KCNQ4: variants seen among roughly 807,000 people sequenced by gnomAD.
The protein encoded by KCNQ4 is potassium voltage-gated channel subfamily Q member 4.
A neutral mutation model predicts 72.6 loss-of-function variants in KCNQ4; 31 were observed. The ratio of observed to expected loss-of-function variants is 0.43; its 90% CI spans 0.32 to 0.58. The LOEUF is 0.58. KCNQ4 is among the 20% of genes least tolerant of loss of function. The pLI is 0.08. For synonymous variants in KCNQ4, 405 were observed against 403.7 expected, an observed-to-expected ratio of 1.00 and a Z score of -0.04; for missense variants, 869 against 962.6, an observed-to-expected ratio of 0.90 and a Z score of 1.29.
intron 1 of KCNQ4, among the ~76,000 whole-genome samples, chr1:40,816,664 A>G (rs1648094623): frequency 6.6e-6 from 1 of 151,972 alleles, no homozygotes; most frequent in Non-Finnish European, 1.5e-5. Context: ...ACACTGCCCA[A>G]TTCCCCTCCC....
intron 1 of KCNQ4, among the ~76,000 whole-genome samples, chr1:40,798,950 G>T (rs1647493841): frequency 6.6e-6 from 1 of 152,272 alleles, no homozygotes; most frequent in South Asian, 2.1e-4. Flanking sequence ...CCCCTCCCTT[G>T]TTGGGGTCTG....
chr1:40,829,833 C>T (rs1172750205), intron 9 of KCNQ4, among the ~76,000 whole-genome samples: 2 of 152,258 alleles, frequency 1.3e-5, no homozygotes, highest in East Asian at 1.9e-4. Context: ...GGGGAGGCAG[C>T]GATGACGTCA....
At chr1:40,799,731 C>T (rs373401500) in intron 1 of KCNQ4, among the ~76,000 whole-genome samples, 9 of 152,318 alleles carry the variant, frequency 5.9e-5, no homozygotes, top group African/African-American at 1.7e-4. Flanking sequence ...TTGGCCTCCA[C>T]GAGGGAGGCC....
intron 1 of KCNQ4, among the ~76,000 whole-genome samples, chr1:40,808,921 A>G (rs2148310250): frequency 6.6e-6 from 1 of 152,236 alleles, no homozygotes; most frequent in African/African-American, 2.4e-5. Context: ...AAATTGTTAA[A>G]CCTACACTTA....
At chr1:40,800,115 C>T (rs982020433) in intron 1 of KCNQ4, among the ~76,000 whole-genome samples, 4 of 152,180 alleles carry the variant, frequency 2.6e-5, no homozygotes, top group Admixed American at 6.5e-5. Flanking sequence ...TCTGCACAGG[C>T]CCTTCTCCCA....
At chr1:40,787,993 G>C (rs1333819403) in intron 1 of KCNQ4, among the ~76,000 whole-genome samples, 1 of 152,128 alleles carries the variant, frequency 6.6e-6, no homozygotes, top group Non-Finnish European at 1.5e-5. Flanking sequence ...GAAGGTTTGC[G>C]GCTCTGTAAA....
chr1:40,803,770 GC>G lies in KCNQ4; in HGVS notation c.315-13491del, dbSNP rs1165891496. On this transcript the variant is annotated intron_variant, in intron 1 of 13. Transcript: ENST00000347132. ...GCTCTCAGGGCAGCTGTAACCAGAT[GC>G]CCCAGGTGTGGCCTGTGAGTTTGCA... Among the ~76,000 whole-genome samples, 7 of 152,310 alleles carry G rather than the reference GC, an allele frequency of 4.6e-5. No individual in the cohort carries two copies. In the East Asian group the frequency reaches 1.4e-3, roughly 29 times the overall value.
In KCNQ4 at chr1:40,824,160, G is replaced by C; in HGVS notation, c.1194G>C (p.Glu398Asp). The change falls in exon 9 of 14, where the codon GAG (glutamate) becomes GAC (aspartate). Residue 398 changes from glutamate to aspartate, a missense_variant. Coordinates refer to ENST00000347132, the MANE Select transcript of KCNQ4 (RefSeq NM_004700.4). ...GCAATGGGGGCCTACGGCCCCTGGA[G>C]GTGCGGCGGGCGCCGGTACCCGACG... ...RARNGGLRPLEVRRAPVPDGA... is the reference protein window; with the variant it reads ...RARNGGLRPLDVRRAPVPDGA... The C allele has an allele frequency of 6.4e-7, 1 of 1,551,650 alleles. No homozygotes were observed. The highest frequency in any genetic ancestry group is 1.2e-5 in the South Asian group (1 of 84,342).
chr1:40,795,921 A>G (rs1240208606), intron 1 of KCNQ4, among the ~76,000 whole-genome samples: 1 of 152,104 alleles, frequency 6.6e-6, no homozygotes, highest in African/African-American at 2.4e-5. Flanking sequence ...TATTTTTCAC[A>G]CTGCTTCATT....
In KCNQ4 at chr1:40,834,805, T is replaced by C. The variant is rs374995880; in HGVS notation, c.1614-162T>C. 3.8e-4 allele frequency among the ~76,000 whole-genome samples: 58 copies of C among 152,068 alleles called. No homozygotes were observed. In the East Asian group the frequency reaches 0.011, roughly 29 times the overall value. ...TCCATCTCATCCCTGTTTCTGCTAC[T>C]TGGAGGTAGGGGAGGCTGGGAGACG... is the stretch of plus-strand genomic sequence containing the variant. On this transcript the variant is annotated intron_variant, in intron 11 of 13. Transcript: ENST00000347132.
rs762465232 is a variant in KCNQ4 at position 40,835,090 on chromosome 1, G to A, written c.1737G>A (p.Leu579=). The A allele has an allele frequency of 1.9e-6, 3 of 1,613,332 alleles. No homozygotes were observed. The highest frequency in any genetic ancestry group is 1.7e-6 in the Non-Finnish European group (2 of 1,179,458). The part of the protein sequence containing the change: ...HLDMLGRIKS[L]QTRVDQIVGR... ...ACATGCTGGGCCGGATCAAGAGCCTGCAAACTCGGTGGGTGCACCGGGCCT... is the reference window on the plus strand; with the variant it reads ...ACATGCTGGGCCGGATCAAGAGCCTACAAACTCGGTGGGTGCACCGGGCCT... The change falls in exon 12 of 14, where the codon CTG becomes CTA. Residue 579 remains leucine (L), a synonymous_variant. Transcript: ENST00000347132.
At chr1:40,825,584 G>T (rs1005739946) in intron 9 of KCNQ4, among the ~76,000 whole-genome samples, 13 of 152,088 alleles carry the variant, frequency 8.5e-5, no homozygotes, top group African/African-American at 3.1e-4. Context: ...CCAGGTCTGG[G>T]GCTGGAGGGA....
intron 1 of KCNQ4, among the ~76,000 whole-genome samples, chr1:40,816,893 C>T (rs987595068): frequency 2.7e-5 from 4 of 150,246 alleles, no homozygotes; most frequent in African/African-American, 7.3e-5. Context: ...TGGGGCACTT[C>T]TCCCAAGACA....
chr1:40,804,211 A>AGGGCAG (rs1337300482), intron 1 of KCNQ4, among the ~76,000 whole-genome samples: 3 of 152,224 alleles, frequency 2.0e-5, no homozygotes, highest in Non-Finnish European at 2.9e-5. Flanking sequence ...TGCAGCAGGA[A>AGGGCAG]GGGCAGGGGC....
At chr1:40,815,349 G>T (rs955319067) in intron 1 of KCNQ4, among the ~76,000 whole-genome samples, 2 of 152,150 alleles carry the variant, frequency 1.3e-5, no homozygotes, top group African/African-American at 4.8e-5. Context: ...TGAGAAACGG[G>T]ACTGGAGGGT....
rs752503566 is a variant in KCNQ4 at position 40,818,202 on chromosome 1, C to G, written c.444C>G (p.Ile148Met). The part of the protein sequence containing the change: ...VMIVVFGLEY[I>M]VRVWSAGCCC... ...TCGTGGTTTTCGGCTTGGAGTACAT[C>G]GTCCGGGTCTGGTCCGCCGGATGCT... is the stretch of plus-strand genomic sequence containing the variant. Residue 148 changes from isoleucine to methionine, a missense_variant, in exon 3 of 14, where the codon ATC becomes ATG. Around this residue, in one of 5 missense-constraint regions of KCNQ4, gnomAD observed 179 missense variants for 243.0 expected, o/e 0.74. Transcript: ENST00000347132. The G allele has an allele frequency of 1.2e-6, 2 of 1,614,028 alleles. No homozygotes were observed. Among genetic ancestry groups the G allele is most frequent in the Non-Finnish European group, 1.7e-6 (2 of 1,180,032 alleles).
chr1:40,807,316 T>C (rs1009266486), intron 1 of KCNQ4, among the ~76,000 whole-genome samples: 17 of 151,974 alleles, frequency 1.1e-4, no homozygotes, highest in African/African-American at 4.1e-4. Context: ...CATTACTGAG[T>C]AGTGCTCCAC....
chr1:40,820,048 C>T, intron 6 of KCNQ4, 63 bp downstream of exon 6: 1 of 1,545,456 alleles, frequency 6.5e-7, no homozygotes, highest in Non-Finnish European at 8.9e-7. Context: ...ACCCCTGTCA[C>T]ACATTTGCCT....
At chr1:40,811,983 A>G (rs1419304549) in intron 1 of KCNQ4, among the ~76,000 whole-genome samples, 1 of 152,200 alleles carries the variant, frequency 6.6e-6, no homozygotes, top group Non-Finnish European at 1.5e-5. Context: ...GCCACACCCT[A>G]GTTGTGGCAG....
Sources: gnomAD v4.1 joint callset for allele counts (sites outside exome capture counted in the v4.1 genomes callset) on GRCh38, gnomAD v4.1.1 for gene constraint, gnomAD v4.1.1 regional missense constraint, MANE v1.5 for transcripts, NCBI Gene and HGNC (gene_info 2026-07-23, HGNC 2026-07-21) for gene names.